Variants in AP2B1 observed in about 807,000 individuals in gnomAD.
AP2B1 encodes AP-2 complex subunit beta.
Under a neutral mutation model 102.0 loss-of-function variants are expected in AP2B1, and 23 were observed. That is an observed-to-expected ratio of 0.23 (90% CI 0.16 to 0.32). AP2B1 has a LOEUF of 0.32. Among genes scored for constraint, AP2B1 ranks in the 10% least tolerant of loss-of-function variants. The pLI, the probability that AP2B1 is intolerant of heterozygous loss-of-function variation, is 1.00. For synonymous variants in AP2B1, 381 were observed against 421.2 expected (o/e 0.90, Z 1.17); for missense variants, 541 against 1,157.4 (o/e 0.47, Z 7.73).
intron 20 of AP2B1, among the ~76,000 whole-genome samples, chr17:35,715,233 A>T (rs2076529717): frequency 1.3e-5 from 2 of 152,242 alleles, no homozygotes; most frequent in Admixed American, 1.3e-4. Context: ...TTAAAGTTAC[A>T]TCCATTCAAC....
intron 5 of AP2B1, among the ~76,000 whole-genome samples, chr17:35,608,736 G>A (rs1486087007): frequency 6.6e-6 from 1 of 151,990 alleles, no homozygotes; most frequent in Non-Finnish European, 1.5e-5. Flanking sequence ...GTATTTTCTG[G>A]TGGTGTGGGA....
intron 15 of AP2B1, among the ~76,000 whole-genome samples, 167 bp from the exon 16 acceptor site, chr17:35,671,587 G>C (rs188923351): frequency 1.4e-4 from 21 of 152,194 alleles, no homozygotes; most frequent in African/African-American, 4.3e-4. Flanking sequence ...AAAAATAACT[G>C]TCATGATTAA....
At chr17:35,648,015 C>CT (rs1338166799) in intron 12 of AP2B1, among the ~76,000 whole-genome samples, 2 of 151,954 alleles carry the variant, frequency 1.3e-5, no homozygotes, top group African/African-American at 4.8e-5. Context: ...CCTCAGCCTC[C>CT]TGAGTAGCTG....
intron 5 of AP2B1, among the ~76,000 whole-genome samples, chr17:35,620,844 G>A (rs2074156001): frequency 6.6e-6 from 1 of 152,126 alleles, no homozygotes. Flanking sequence ...TTTTTTCTTG[G>A]AAACTCTAAT....
chr17:35,705,078 T>C (rs2076314882), intron 18 of AP2B1, among the ~76,000 whole-genome samples: 1 of 152,102 alleles, frequency 6.6e-6, no homozygotes. Flanking sequence ...TACAAAGCTG[T>C]GACTTTCAGT....
intron 21 of AP2B1, 44 bp downstream of exon 21, chr17:35,717,393 G>A (rs782092089): frequency 6.2e-7 from 1 of 1,607,516 alleles, no homozygotes; most frequent in South Asian, 1.1e-5. Context: ...AGAGGAGGGA[G>A]GTGAGAGCCC....
chr17:35,688,793 A>C (rs1298821258), intron 18 of AP2B1, among the ~76,000 whole-genome samples: 2 of 152,042 alleles, frequency 1.3e-5, no homozygotes, highest in Non-Finnish European at 2.9e-5. Context: ...ACGAAACCCT[A>C]TCTCTACTAA....
chr17:35,637,580 G>A (rs2074644477), intron 10 of AP2B1, among the ~76,000 whole-genome samples: 1 of 152,092 alleles, frequency 6.6e-6, no homozygotes, highest in Non-Finnish European at 1.5e-5. Flanking sequence ...TGGCAAGGTA[G>A]TGGTTTATTA....
intron 16 of AP2B1, 106 bp from the exon 17 acceptor site, chr17:35,674,070 T>G: frequency 8.7e-7 from 1 of 1,153,432 alleles, no homozygotes; most frequent in Non-Finnish European, 1.2e-6. Flanking sequence ...AGGAAGTGAA[T>G]TTGTTCACTT....
At chr17:35,608,000 A>G in intron 4 of AP2B1, 142 bp from the exon 5 acceptor site, 6 of 970,134 alleles carry the variant, frequency 6.2e-6, no homozygotes, top group Non-Finnish European at 7.6e-6. Context: ...TAGGAAAGGA[A>G]TAGCATGGAA....
intron 20 of AP2B1, among the ~76,000 whole-genome samples, chr17:35,712,361 GC>G (rs2076468495): frequency 6.6e-6 from 1 of 152,170 alleles, no homozygotes; most frequent in Admixed American, 6.5e-5. Context: ...GGGCACAGTG[GC>G]TCATGCCTGT....
chr17:35,679,055 T>C (rs914670076), intron 17 of AP2B1, among the ~76,000 whole-genome samples: 3 of 152,212 alleles, frequency 2.0e-5, no homozygotes, highest in African/African-American at 7.2e-5. Context: ...ATAATAGGGC[T>C]TTGAACAGTT....
intron 20 of AP2B1, among the ~76,000 whole-genome samples, chr17:35,712,162 T>C (rs1381636725): frequency 2.2e-4 from 33 of 152,326 alleles, no homozygotes; most frequent in Non-Finnish European, 4.4e-5. Context: ...TTGAAGAAGA[T>C]GACAGTGTCA....
intron 17 of AP2B1, among the ~76,000 whole-genome samples, chr17:35,675,397 G>A (rs1004245818): frequency 6.6e-6 from 1 of 152,190 alleles, no homozygotes; most frequent in Non-Finnish European, 1.5e-5. Context: ...AAACACTTTT[G>A]TACTCTGGAT....
Position 35,709,298 on chromosome 17 carries a change from T to C in AP2B1, c.2529T>C (p.Asp843=), listed in dbSNP as rs2076402183. 1 of 1,613,876 alleles carries C rather than the reference T, an allele frequency of 6.2e-7. No individual in the cohort carries two copies. The highest frequency in any genetic ancestry group is 8.5e-7 in the Non-Finnish European group (1 of 1,179,770). ...CACTCAATGTGCTTTTTGTAGAAGATGGCAAAATGGGTAAGTACCTTCCTG... is the reference window on the plus strand; with the variant it reads ...CACTCAATGTGCTTTTTGTAGAAGACGGCAAAATGGGTAAGTACCTTCCTG... ...LIPLNVLFVE[D]GKMERQVFLA... is the part of the protein sequence containing the mutation. The change falls in exon 19 of 22, where the codon GAT becomes GAC. Residue 843 remains aspartate, a synonymous_variant. Transcript: ENST00000610402.
chr17:35,603,088 T>C (rs958619342), intron 3 of AP2B1, among the ~76,000 whole-genome samples: 5 of 152,232 alleles, frequency 3.3e-5, no homozygotes, highest in African/African-American at 1.2e-4. Context: ...GGAGATATGG[T>C]GGATTCTTTG....
At chr17:35,670,537 A>G (rs1336729506) in intron 14 of AP2B1, among the ~76,000 whole-genome samples, 1 of 152,142 alleles carries the variant, frequency 6.6e-6, no homozygotes, top group Admixed American at 6.5e-5. Flanking sequence ...GCGTCTTAGA[A>G]TATGCAAACT....
At chr17:35,621,376 C>T (rs1019933625) in intron 5 of AP2B1, 14 of 977,776 alleles carry the variant, frequency 1.4e-5, no homozygotes, top group African/African-American at 1.8e-5. Flanking sequence ...GAGCCTGCCT[C>T]AGTATGTTGC....
chr17:35,686,548 A>G (rs765273819), intron 18 of AP2B1, among the ~76,000 whole-genome samples: 1 of 152,220 alleles, frequency 6.6e-6, no homozygotes, highest in African/African-American at 2.4e-5. Flanking sequence ...CAGGGTTCCC[A>G]CAGCTGCTTG....
Sources: allele counts gnomAD v4.1 joint callset (sites outside exome capture counted in the v4.1 genomes callset), GRCh38; gene constraint gnomAD v4.1.1; transcripts MANE v1.5; gene names NCBI Gene and HGNC (gene_info 2026-07-23, HGNC 2026-07-21).